The following HMCN1 variants were observed in gnomAD, a reference collection of about 807,000 sequenced individuals.
HMCN1 encodes hemicentin 1.
In HMCN1, 321 loss-of-function variants were observed where a neutral mutation model predicts 625.9. The ratio of observed to expected loss-of-function variants is 0.51; its 90% CI spans 0.47 to 0.56. The LOEUF is 0.56. HMCN1 is among the 20% of genes least tolerant of loss of function. The pLI, the probability that HMCN1 is intolerant of heterozygous loss-of-function variation, is 0.00. For synonymous variants in HMCN1, 2,425 were observed against 2,417.6 expected, an observed-to-expected ratio of 1.00 and a Z score of -0.09; for missense variants, 6,588 against 6,887.3, an observed-to-expected ratio of 0.96 and a Z score of 1.54.
chr1:185,911,663 C>G lies in HMCN1; in HGVS notation c.794-11C>G. ...GGATTGTGCTTGTTACCTTTATGTT[C>G]TGTCTTTCAGGGAAGCTGATAAAAA... On this transcript the variant is annotated splice_polypyrimidine_tract_variant and intron_variant, in intron 5 of 106. Coordinates refer to ENST00000271588, the MANE Select transcript of HMCN1 (RefSeq NM_031935.3). 1 of 1,573,202 alleles carries G rather than the reference C, an allele frequency of 6.4e-7. No homozygotes were observed. Among genetic ancestry groups the G allele is most frequent in the Non-Finnish European group, 8.7e-7 (1 of 1,143,052 alleles).
intron 4 of HMCN1, among the ~76,000 whole-genome samples, chr1:185,902,405 C>CTATCTATATCTATCTA (rs903275348): frequency 5.5e-5 from 8 of 145,358 alleles, no homozygotes; most frequent in African/African-American, 2.1e-4. Context: ...ATCTATCTAT[C>CTATCTATATCTATCTA]TCTATCTATC....
chr1:185,987,887 C>T (rs533428847), intron 20 of HMCN1, among the ~76,000 whole-genome samples: 2 of 149,844 alleles, frequency 1.3e-5, no homozygotes, highest in Non-Finnish European at 3.0e-5. Context: ...AACTTAAGTG[C>T]AAGAAGGATG....
chr1:185,893,633 A>G (rs1665290687), intron 4 of HMCN1, among the ~76,000 whole-genome samples: 1 of 152,226 alleles, frequency 6.6e-6, no homozygotes, highest in South Asian at 2.1e-4. Flanking sequence ...CCCTTAGAAT[A>G]CACTACAGCA....
intron 100 of HMCN1, among the ~76,000 whole-genome samples, chr1:186,168,916 C>T (rs1000930991): frequency 6.6e-6 from 1 of 152,098 alleles, no homozygotes; most frequent in African/African-American, 2.4e-5. Context: ...CTCCCCTAAC[C>T]CCCGCCCAAT....
chr1:186,076,710 C>A (rs949772806), intron 54 of HMCN1, 88 bp downstream of exon 54: 6 of 1,337,556 alleles, frequency 4.5e-6, no homozygotes, highest in Non-Finnish European at 5.3e-6. Flanking sequence ...TTGGTTGGGT[C>A]TCTGGCTAAG....
chr1:186,088,575 A>G (rs367797653), intron 62 of HMCN1, 31 bp from the exon 63 acceptor site: 474 of 1,604,676 alleles, frequency 3.0e-4, no homozygotes, highest in Non-Finnish European at 3.7e-4. Flanking sequence ...AGGTTTTTTT[A>G]TGTTTTATTG....
intron 11 of HMCN1, among the ~76,000 whole-genome samples, chr1:185,947,069 T>TG (rs1207004185): frequency 2.6e-5 from 4 of 152,112 alleles, no homozygotes; most frequent in Non-Finnish European, 5.9e-5. Flanking sequence ...GCAGGGGTTG[T>TG]GGGGGGCGGG....
In HMCN1 at chr1:186,151,333, T is replaced by G. The variant is rs754127646; in HGVS notation, c.14742T>G (p.Asn4914Lys). ...GAATAATACGTGCCAAAATTACCAA[T>G]GTACCTCGTAGTCTTGGTAAGTCTT... ...DTRIIRAKIT[N>K]VPRSLGSAMR... Residue 4914 changes from asparagine to lysine, a missense_variant, in exon 94 of 107, where the codon AAT (asparagine) becomes AAG (lysine). Physicochemically the swap from Asn to Lys is moderately conservative, Grantham distance 94. Transcript: ENST00000271588. 1.9e-6 allele frequency: 3 copies of G among 1,613,400 alleles called. No individual in the cohort carries two copies. The highest frequency in any genetic ancestry group is 8.5e-7 in the Non-Finnish European group (1 of 1,179,562).
At chr1:186,166,444 C>A in intron 99 of HMCN1, 141 bp downstream of exon 99, 3 of 1,078,776 alleles carry the variant, frequency 2.8e-6, no homozygotes, top group Non-Finnish European at 2.7e-6. Context: ...CTCCATTGGG[C>A]TGAGAAAGTA....
Position 186,093,427 on chromosome 1 carries a change from T to G in HMCN1, c.10013-59T>G, listed in dbSNP as rs988275722. On this transcript the variant is annotated intron_variant, in intron 65 of 106. Coordinates refer to ENST00000271588, the MANE Select transcript of HMCN1 (RefSeq NM_031935.3). ...GAGAGCAATTGTAGTAGAAATTATT[T>G]GAACTAGTATTACATAATACATCCC... 5.7e-5 allele frequency: 91 copies of G among 1,590,846 alleles called. No individual in the cohort carries two copies. The South Asian group carries it at 9.9e-4, about 17-fold the overall frequency.
chr1:186,171,946 C>A (rs1652257722), intron 101 of HMCN1, 60 bp from the exon 102 acceptor site: 2 of 1,530,778 alleles, frequency 1.3e-6, no homozygotes, highest in South Asian at 2.3e-5. Flanking sequence ...AGTATGATTT[C>A]TCTGGAAAAG....
intron 1 of HMCN1, among the ~76,000 whole-genome samples, chr1:185,836,126 A>G (rs1661161096): frequency 6.6e-6 from 1 of 152,182 alleles, no homozygotes; most frequent in Non-Finnish European, 1.5e-5. Flanking sequence ...TTTCCTTGTT[A>G]TCTTGCCTAA....
chr1:185,904,434 C>T (rs918064065), intron 4 of HMCN1, among the ~76,000 whole-genome samples: 17 of 151,756 alleles, frequency 1.1e-4, no homozygotes, highest in Non-Finnish European at 2.4e-4. Flanking sequence ...TAGTGTAACT[C>T]TTAACAATTT....
At chr1:185,758,708 TC>T (rs1316240977) in intron 1 of HMCN1, among the ~76,000 whole-genome samples, 1 of 152,160 alleles carries the variant, frequency 6.6e-6, no homozygotes, top group Non-Finnish European at 1.5e-5. Context: ...CTCCTTTTTT[TC>T]TTCTTCCTTC....
chr1:186,152,873 T>C lies in HMCN1; in HGVS notation c.15018+2T>C. 1 of 1,613,724 alleles carries C rather than the reference T, an allele frequency of 6.2e-7. No homozygotes were observed. ...TCACCTGCTGAAGTCACTGTAAAGGTAAAATGCCAGGATAACTTGTCTTTG... is the reference window on the plus strand; with the variant it reads ...TCACCTGCTGAAGTCACTGTAAAGGCAAAATGCCAGGATAACTTGTCTTTG... On this transcript the variant is annotated splice_donor_variant, in intron 96 of 106. Transcript: ENST00000271588. LOFTEE classifies it high-confidence loss of function.
chr1:186,168,412 C>T (rs916702909), intron 100 of HMCN1, among the ~76,000 whole-genome samples: 11 of 150,408 alleles, frequency 7.3e-5, no homozygotes, highest in African/African-American at 2.7e-4. Context: ...GAGATCATGC[C>T]ATTGCACTCC....
intron 4 of HMCN1, among the ~76,000 whole-genome samples, chr1:185,871,194 A>C (rs1330993157): frequency 6.7e-6 from 1 of 148,890 alleles, no homozygotes; most frequent in Non-Finnish European, 1.5e-5. Flanking sequence ...GTGCCACTGC[A>C]CTCCAGCCTG....
At chr1:186,091,085 T>C (rs1360825943) in intron 64 of HMCN1, among the ~76,000 whole-genome samples, 168 bp downstream of exon 64, 2 of 151,976 alleles carry the variant, frequency 1.3e-5, no homozygotes, top group African/African-American at 2.4e-5. Flanking sequence ...GACATAGACA[T>C]TCTCGTTAGA....
At chr1:185,866,397 A>ATTTTTTT (rs969071873) in intron 4 of HMCN1, among the ~76,000 whole-genome samples, 4 of 102,576 alleles carry the variant, frequency 3.9e-5, no homozygotes, top group Non-Finnish European at 7.5e-5. Flanking sequence ...GTTTGTCATA[A>ATTTTTTT]TTTTTTTTTT....
Sources: gnomAD v4.1 joint callset for allele counts (sites outside exome capture counted in the v4.1 genomes callset) on GRCh38, gnomAD v4.1.1 for gene constraint, MANE v1.5 for transcripts, NCBI Gene and HGNC (gene_info 2026-07-23, HGNC 2026-07-21) for gene names.